Variants in UBA6 observed in about 807,000 individuals in gnomAD.
UBA6 encodes the protein ubiquitin-like modifier-activating enzyme 6.
In UBA6, 87 loss-of-function variants were observed where a neutral mutation model predicts 148.3. The observed-to-expected ratio is 0.59, with a 90% CI of 0.49 to 0.70. The LOEUF is 0.70. Ranked by LOEUF, UBA6 falls within the 30% of genes least tolerant of loss-of-function variation. UBA6 has a pLI of 0.00. For synonymous variants in UBA6, 376 were observed against 401.0 expected (o/e 0.94, Z 0.75); for missense variants, 1,186 against 1,241.2 (o/e 0.96, Z 0.67).
In UBA6 at chr4:67,677,633, A is replaced by G; in HGVS notation, c.443T>C (p.Leu148Pro). The change falls in exon 6 of 33, where the codon CTC (leucine) becomes CCC (proline). Residue 148 changes from leucine to proline, a missense_variant. Coordinates refer to ENST00000322244, the MANE Select transcript of UBA6 (RefSeq NM_018227.6). ...SSVPFNETTD[L>P]SFLDKYQCVV... ...AACCTGGTATTTATCTAAAAAGGAG[A>G]GATCTGTGGTCTCATTGAAAGGAAC... is the stretch of plus-strand genomic sequence containing the variant. 1 of 1,581,332 alleles carries G rather than the reference A, an allele frequency of 6.3e-7. No homozygotes were observed.
In UBA6 at chr4:67,646,032, T is replaced by G; in HGVS notation, c.1317-16A>C. 1.4e-6 allele frequency: 2 copies of G among 1,466,856 alleles called. No individual in the cohort carries two copies. The highest frequency in any genetic ancestry group is 1.9e-6 in the Non-Finnish European group (2 of 1,077,986). The allele number at this position is 1,466,856 out of a possible 1,614,324, so 90.9% of individuals were successfully genotyped here. ...TCTATCTCCTCTGAAAAAAATAACA[T>G]ATACCAAAAAGCAGAAATAAAAAAC... On this transcript the variant is annotated splice_polypyrimidine_tract_variant and intron_variant, in intron 15 of 32. Coordinates refer to ENST00000322244, the MANE Select transcript of UBA6 (RefSeq NM_018227.6).
intron 26 of UBA6, 50 bp downstream of exon 26, chr4:67,630,415 TA>T: frequency 8.3e-7 from 1 of 1,208,524 alleles, no homozygotes; most frequent in Non-Finnish European, 1.2e-6. Context: ...ATCAGTCATC[TA>T]ATTCTAATTT....
At chr4:67,650,064 A>C (rs1292481815) in intron 13 of UBA6, among the ~76,000 whole-genome samples, 1 of 152,018 alleles carries the variant, frequency 6.6e-6, no homozygotes, top group Non-Finnish European at 1.5e-5. Flanking sequence ...TCTATATCTC[A>C]TTATTTACAA....
intron 23 of UBA6, among the ~76,000 whole-genome samples, 195 bp from the exon 24 acceptor site, chr4:67,632,103 T>C (rs1487322104): frequency 6.6e-6 from 1 of 152,186 alleles, no homozygotes; most frequent in Non-Finnish European, 1.5e-5. Flanking sequence ...ATGTCCCTCA[T>C]AAATGAAAAA....
At chr4:67,647,619 ATAAT>A (rs1295339792) in intron 14 of UBA6, among the ~76,000 whole-genome samples, 1 of 152,150 alleles carries the variant, frequency 6.6e-6, no homozygotes, top group Non-Finnish European at 1.5e-5. Context: ...AATACCAAAG[ATAAT>A]TAATTTAAGT....
intron 2 of UBA6, among the ~76,000 whole-genome samples, chr4:67,685,725 G>C (rs1730541273): frequency 6.6e-6 from 1 of 152,126 alleles, no homozygotes; most frequent in Non-Finnish European, 1.5e-5. Flanking sequence ...TATTGTAGGA[G>C]TGGTTTCATT....
At chr4:67,686,442 C>G (rs182654904) in intron 2 of UBA6, among the ~76,000 whole-genome samples, 1 of 152,240 alleles carries the variant, frequency 6.6e-6, no homozygotes, top group East Asian at 1.9e-4. Context: ...ATACCGATTT[C>G]AAGCCAGTCA....
intron 1 of UBA6, among the ~76,000 whole-genome samples, chr4:67,699,557 C>A (rs1488285186): frequency 2.2e-5 from 2 of 90,456 alleles, no homozygotes; most frequent in Non-Finnish European, 5.3e-5. Context: ...CACAATATAC[C>A]CTGTTTGGGC....
intron 9 of UBA6, among the ~76,000 whole-genome samples, chr4:67,667,677 G>A (rs1202108561): frequency 6.6e-6 from 1 of 151,768 alleles, no homozygotes; most frequent in Non-Finnish European, 1.5e-5. Flanking sequence ...TTTAAACATG[G>A]CTGAAGGAAA....
At chr4:67,695,674 A>G (rs552779822) in intron 2 of UBA6, among the ~76,000 whole-genome samples, 28 of 152,328 alleles carry the variant, frequency 1.8e-4, no homozygotes, top group African/African-American at 6.3e-4. Flanking sequence ...AGTGCTTTAA[A>G]TGTACTAATT....
At position 67,624,266 on chromosome 4, in the gene UBA6, A is replaced by T; in HGVS notation, c.2713-13T>A. On this transcript the variant is annotated splice_polypyrimidine_tract_variant and intron_variant, in intron 29 of 32. Coordinates refer to ENST00000322244, the MANE Select transcript of UBA6 (RefSeq NM_018227.6). ...TCTCCAAGGCAACCTAGATAAAAGA[A>T]GGTGATCTGATAATATAAACAGCCT... 6.3e-7 allele frequency: 1 copy of T among 1,589,788 alleles called. No individual in the cohort carries two copies. Among genetic ancestry groups the T allele is most frequent in the Non-Finnish European group, 8.5e-7 (1 of 1,172,058 alleles).
chr4:67,626,227 A>G (rs533740580), intron 28 of UBA6, 133 bp downstream of exon 28: 1 of 647,122 alleles, frequency 1.5e-6, no homozygotes, highest in Admixed American at 2.8e-5. Context: ...TGACTTTAAT[A>G]TGATCATGAA....
intron 2 of UBA6, among the ~76,000 whole-genome samples, chr4:67,689,768 C>T (rs1730652847): frequency 7.0e-6 from 1 of 142,476 alleles, no homozygotes; most frequent in African/African-American, 2.6e-5. Flanking sequence ...TTGGTTCCTG[C>T]CAACTACTTA....
intron 1 of UBA6, among the ~76,000 whole-genome samples, chr4:67,696,984 T>A (rs999079556): frequency 6.6e-6 from 1 of 152,026 alleles, no homozygotes; most frequent in African/African-American, 2.4e-5. Flanking sequence ...ATATATATAT[T>A]TTGTTGTTGT....
chr4:67,637,919 A>ACC (rs1317608040), intron 19 of UBA6, among the ~76,000 whole-genome samples: 5 of 146,404 alleles, frequency 3.4e-5, no homozygotes, highest in Non-Finnish European at 7.5e-5. Context: ...TGCGAGAAAC[A>ACC]CCCAAGAATG....
chr4:67,630,657 CAA>C, intron 25 of UBA6, 122 bp from the exon 26 acceptor site: 1 of 621,998 alleles, frequency 1.6e-6, no homozygotes, highest in Non-Finnish European at 2.5e-6. Context: ...ATTATTATTT[CAA>C]GTTTTTTTTT....
chr4:67,615,824 G>A lies in UBA6; in HGVS notation c.*3173C>T. On this transcript the variant is annotated 3_prime_UTR_variant, in exon 33 of 33. Coordinates refer to ENST00000322244, the MANE Select transcript of UBA6 (RefSeq NM_018227.6). ...TTGTTTAAGTTTACACACATAGGTGGTAACACTATAAAAACAAAGAGACAA... is the reference window on the plus strand; with the variant it reads ...TTGTTTAAGTTTACACACATAGGTGATAACACTATAAAAACAAAGAGACAA... 1 of 247,998 alleles carries A rather than the reference G, an allele frequency of 4.0e-6. No individual in the cohort carries two copies. The allele number at this position is 247,998 out of a possible 1,614,324, so 15.4% of individuals were successfully genotyped here. A position where few individuals can be genotyped will look rare whatever the true frequency, so the allele number is the denominator to read the frequency against.
intron 1 of UBA6, among the ~76,000 whole-genome samples, chr4:67,699,803 A>T (rs1432697913): frequency 6.6e-6 from 1 of 152,024 alleles, no homozygotes; most frequent in Admixed American, 6.6e-5. Flanking sequence ...CGGTTTCGCC[A>T]TGTTGCCCAG....
chr4:67,623,083 C>A, intron 31 of UBA6, 52 bp downstream of exon 31: 1 of 1,459,850 alleles, frequency 6.9e-7, no homozygotes, highest in Admixed American at 2.1e-5. Context: ...AAAAACAAAA[C>A]AGAAACCAGA....
Sources: allele counts gnomAD v4.1 joint callset (sites outside exome capture counted in the v4.1 genomes callset), GRCh38; gene constraint gnomAD v4.1.1; transcripts MANE v1.5; gene names NCBI Gene and HGNC (gene_info 2026-07-23, HGNC 2026-07-21).